Variants in PRKCB observed in about 807,000 individuals in gnomAD.
PRKCB encodes protein kinase C beta type.
Under a neutral mutation model 81.5 loss-of-function variants are expected in PRKCB, and 13 were observed. The ratio of observed to expected loss-of-function variants is 0.16; its 90% CI spans 0.10 to 0.25. The LOEUF is 0.25. Among genes scored for constraint, PRKCB ranks in the 10% least tolerant of loss-of-function variants. PRKCB has a pLI of 1.00. For missense variants in PRKCB, 509 were observed against 875.7 expected (o/e 0.58, Z 5.29); for synonymous variants, 335 against 321.4 (o/e 1.04, Z -0.45).
chr16:24,205,944 A>C (rs1306790952), intron 16 of PRKCB, among the ~76,000 whole-genome samples: 1 of 152,226 alleles, frequency 6.6e-6, no homozygotes, highest in African/African-American at 2.4e-5. Flanking sequence ...GTGGTCTGGA[A>C]CAGCTTCTCT....
intron 5 of PRKCB, among the ~76,000 whole-genome samples, chr16:24,067,312 A>T (rs1044057786): frequency 1.3e-5 from 2 of 151,488 alleles, no homozygotes; most frequent in Non-Finnish European, 2.9e-5. Flanking sequence ...TTTTTTTAAA[A>T]TTTTTTAGAC....
chr16:24,148,081 T>G (rs1339460080), intron 9 of PRKCB, among the ~76,000 whole-genome samples: 1 of 152,200 alleles, frequency 6.6e-6, no homozygotes, highest in African/African-American at 2.4e-5. Context: ...CAATTTGATT[T>G]CTGAAGCTTA....
intron 2 of PRKCB, among the ~76,000 whole-genome samples, chr16:23,929,507 G>A (rs540375584): frequency 1.3e-5 from 2 of 152,222 alleles, no homozygotes; most frequent in Non-Finnish European, 2.9e-5. Flanking sequence ...GAAGAGTGAA[G>A]TAAACTAATG....
At chr16:24,135,098 C>T (rs1438156901) in intron 9 of PRKCB, among the ~76,000 whole-genome samples, 3 of 151,892 alleles carry the variant, frequency 2.0e-5, no homozygotes, top group African/African-American at 7.3e-5. Context: ...AATTAAAGTG[C>T]CTTATGAACC....
chr16:24,059,557 C>G (rs1189472552), intron 5 of PRKCB, among the ~76,000 whole-genome samples: 1 of 151,668 alleles, frequency 6.6e-6, no homozygotes, highest in Non-Finnish European at 1.5e-5. Context: ...GTCCAAGCCA[C>G]TGGGGAGGCT....
chr16:24,090,947 T>C (rs568179756), intron 5 of PRKCB, among the ~76,000 whole-genome samples: 1 of 152,332 alleles, frequency 6.6e-6, no homozygotes, highest in Non-Finnish European at 1.5e-5. Flanking sequence ...AATTTCTGGT[T>C]TTATTTATGC....
At chr16:24,184,194 G>T (rs1967668349) in intron 13 of PRKCB, among the ~76,000 whole-genome samples, 1 of 152,150 alleles carries the variant, frequency 6.6e-6, no homozygotes, top group Admixed American at 6.5e-5. Flanking sequence ...CTTTATTAAA[G>T]ATCTATTGCC....
chr16:24,023,851 A>AGAGT (rs1227220011), intron 3 of PRKCB, among the ~76,000 whole-genome samples: 2 of 152,170 alleles, frequency 1.3e-5, no homozygotes, highest in Non-Finnish European at 2.9e-5. Context: ...CGTGGTGACT[A>AGAGT]GAGTGCTAAC....
At chr16:24,152,504 G>A (rs406823) in intron 9 of PRKCB, among the ~76,000 whole-genome samples, 55,161 of 151,914 alleles carry the variant, frequency 0.36, 10,380 homozygotes, top group South Asian at 0.47. Context: ...TCTCAGCTGA[G>A]AACTCTTCTT....
At chr16:23,859,677 G>A (rs753961802) in intron 2 of PRKCB, among the ~76,000 whole-genome samples, 4 of 152,096 alleles carry the variant, frequency 2.6e-5, no homozygotes, top group South Asian at 2.1e-4. Context: ...AGTGAGGTGC[G>A]GGGAGAAGCA....
intron 11 of PRKCB, among the ~76,000 whole-genome samples, chr16:24,173,294 T>C (rs1967473757): frequency 6.6e-6 from 1 of 152,140 alleles, no homozygotes; most frequent in African/African-American, 2.4e-5. Flanking sequence ...ATCATGTCAT[T>C]CCCCTGCTTA....
chr16:23,929,272 C>T (rs1169658169), intron 2 of PRKCB, among the ~76,000 whole-genome samples: 1 of 152,064 alleles, frequency 6.6e-6, no homozygotes, highest in East Asian at 1.9e-4. Flanking sequence ...AGTTTGCAGT[C>T]CTTTTTGGAG....
chr16:24,132,516 A>G (rs2141936385), intron 9 of PRKCB, among the ~76,000 whole-genome samples: 1 of 152,324 alleles, frequency 6.6e-6, no homozygotes, highest in South Asian at 2.1e-4. Flanking sequence ...CTTATATTCT[A>G]GTGGTAGTGA....
intron 2 of PRKCB, among the ~76,000 whole-genome samples, chr16:23,853,190 A>G (rs1024567897): frequency 1.3e-5 from 2 of 152,226 alleles, no homozygotes; most frequent in East Asian, 1.9e-4. Flanking sequence ...AAAATTCTGT[A>G]TTAGTAAGAA....
intron 2 of PRKCB, among the ~76,000 whole-genome samples, chr16:23,959,575 A>G (rs1964396155): frequency 6.6e-6 from 1 of 152,240 alleles, no homozygotes; most frequent in African/African-American, 2.4e-5. Flanking sequence ...GGACTTCTGC[A>G]CAGAAATAGA....
Position 24,057,804 on chromosome 16 carries a change from G to A in PRKCB, c.529+22257G>A, listed in dbSNP as rs375670322. Among the ~76,000 whole-genome samples the A allele has an allele frequency of 1.4e-4, 21 of 152,234 alleles. 2 individuals carry two copies. The highest frequency in any genetic ancestry group is 5.8e-4 in the East Asian group (3 of 5,178). On this transcript the variant is annotated intron_variant, in intron 5 of 16. Transcript: ENST00000643927. ...CTTGCTAGGACTCAGCTCGGTGGGC[G>A]CTTTGTCTATTTTCTACTTTGAAAG...
intron 5 of PRKCB, among the ~76,000 whole-genome samples, chr16:24,045,434 T>C (rs1965751934): frequency 6.6e-6 from 1 of 152,122 alleles, no homozygotes. Flanking sequence ...CCTTGCTGAG[T>C]CGCATATGTT....
chr16:24,038,691 G>A (rs1046490746), intron 5 of PRKCB, among the ~76,000 whole-genome samples: 2 of 152,254 alleles, frequency 1.3e-5, no homozygotes, highest in Non-Finnish European at 1.5e-5. Context: ...TGGGGATTTT[G>A]TTCCAGTGAT....
chr16:24,033,731 C>T (rs1381755029), intron 4 of PRKCB, among the ~76,000 whole-genome samples: 1 of 152,092 alleles, frequency 6.6e-6, no homozygotes, highest in East Asian at 1.9e-4. Context: ...TACTGCACTC[C>T]AGCCTGGGTG....
Sources: allele counts gnomAD v4.1 joint callset (sites outside exome capture counted in the v4.1 genomes callset), GRCh38; gene constraint gnomAD v4.1.1; transcripts MANE v1.5; gene names NCBI Gene and HGNC (gene_info 2026-07-23, HGNC 2026-07-21).